WDR97: variants seen among roughly 807,000 people sequenced by gnomAD.
WDR97 encodes WD repeat-containing protein 97.
A neutral mutation model predicts 65.4 loss-of-function variants in WDR97; 111 were observed. That is an observed-to-expected ratio of 1.70 (90% CI 1.45 to 1.99). The LOEUF is 1.99. Ranked by LOEUF, WDR97 falls within the 30% of genes most tolerant of loss-of-function variation. The pLI is 0.00. For missense variants in WDR97, 1,674 were observed against 865.0 expected, an observed-to-expected ratio of 1.94 and a Z score of -11.73; for synonymous variants, 802 against 397.7, an observed-to-expected ratio of 2.02 and a Z score of -12.10.
Position 144,109,861 on chromosome 8 carries a change from C to A in WDR97, c.1527C>A (p.Ser509Arg), listed in dbSNP as rs1439916269. Residue 509 changes from serine (S) to arginine (R), a missense_variant, in exon 5 of 24, where the codon AGC (serine) becomes AGA (arginine). By Grantham distance (110) the Ser-to-Arg change is moderately radical. Transcript: ENST00000323662. Reference protein sequence around the residue: ...VRANAARCPMSVLHRVCPPPP... With the variant: ...VRANAARCPMRVLHRVCPPPP... ...CCAACGCGGCGCGCTGCCCCATGAG[C>A]GTGCTGCACCGCGTGTGCCCGCCGC... is the stretch of plus-strand genomic sequence containing the variant. 1.4e-6 allele frequency: 1 copy of A among 698,622 alleles called. No homozygotes were observed. Among genetic ancestry groups the A allele is most frequent in the South Asian group, 1.5e-5 (1 of 67,380 alleles). The allele number at this position is 698,622 out of a possible 1,614,324, so 43.3% of individuals were successfully genotyped here. A position where few individuals can be genotyped will look rare whatever the true frequency, so the allele number is the denominator to read the frequency against.
In WDR97 at chr8:144,113,772, A is replaced by G; in HGVS notation, c.3299A>G (p.Asp1100Gly). ...GEKPGEEGEE[D>G]KKEEEEEKED... ...AAGCCTGGGGAGGAGGGGGAGGAAGACAAGAAGGAAGAGGAGGAGGAGAAG... is the reference window on the plus strand; with the variant it reads ...AAGCCTGGGGAGGAGGGGGAGGAAGGCAAGAAGGAAGAGGAGGAGGAGAAG... The change falls in exon 17 of 24, where the codon GAC (aspartate) becomes GGC (glycine). Residue 1100 changes from aspartate to glycine, a missense_variant. Asp to Gly is a moderately conservative substitution (Grantham distance 94). Coordinates refer to ENST00000323662, the MANE Select transcript of WDR97 (RefSeq NM_001316309.2). The G allele has an allele frequency of 1.4e-6, 1 of 702,682 alleles. No homozygotes were observed. The highest frequency in any genetic ancestry group is 2.6e-6 in the Non-Finnish European group (1 of 384,774). 43.5% of individuals were successfully genotyped at this position (702,682 alleles called of 1,614,324 possible).
chr8:144,116,118 G>T lies in WDR97; in HGVS notation c.4694G>T (p.Gly1565Val). 1 of 698,276 alleles carries T rather than the reference G, an allele frequency of 1.4e-6. No homozygotes were observed. The highest frequency in any genetic ancestry group is 2.6e-6 in the Non-Finnish European group (1 of 382,892). 43.3% of individuals were successfully genotyped at this position (698,276 alleles called of 1,614,324 possible). Residue 1565 changes from glycine to valine, a missense_variant, in exon 24 of 24, where the codon GGC becomes GTC. Gly to Val is a moderately radical substitution (Grantham distance 109). Transcript: ENST00000323662. ...CCCATGCGGTCCCGGCTCTGTGCGG[G>T]CCGCACCCTGGACGGCCCCATCCGG... ...RGPMRSRLCA[G>V]RTLDGPIRTL... is the part of the protein sequence containing the mutation.
Position 144,114,767 on chromosome 8 carries a change from G to T in WDR97, c.3933G>T (p.Leu1311=). ...GTCCCAGGCCAGAGCTCAAGAAGCTGCTGCACGGGCTGGGCCTTCAGGACC... is the reference window on the plus strand; with the variant it reads ...GTCCCAGGCCAGAGCTCAAGAAGCTTCTGCACGGGCTGGGCCTTCAGGACC... ...PVHCRPELKK[L]LHGLGLQDPE... Residue 1311 remains leucine (L), a synonymous_variant, in exon 21 of 24, where the codon CTG becomes CTT. Transcript: ENST00000323662. The T allele has an allele frequency of 1.4e-6, 1 of 701,956 alleles. No homozygotes were observed. Among genetic ancestry groups the T allele is most frequent in the South Asian group, 1.5e-5 (1 of 67,532 alleles). The allele number at this position is 701,956 out of a possible 1,614,324, so 43.5% of individuals were successfully genotyped here.
At position 144,111,870 on chromosome 8, in the gene WDR97, CT is replaced by C; in HGVS notation, c.2638-16del. ...CACCTGGTCTCTGATGGTCTGTCTG[CT>C]CCTGCTACCTCCCAGGGCATGCAGT... On this transcript the variant is annotated splice_polypyrimidine_tract_variant and intron_variant, in intron 12 of 23. Transcript: ENST00000323662. 4.3e-6 allele frequency: 3 copies of C among 700,214 alleles called. No homozygotes were observed. Among genetic ancestry groups the C allele is most frequent in the Non-Finnish European group, 7.8e-6 (3 of 384,208 alleles). 43.4% of individuals were successfully genotyped at this position (700,214 alleles called of 1,614,324 possible).
Position 144,110,737 on chromosome 8 carries a change from G to C in WDR97, c.2169G>C (p.Leu723=), listed in dbSNP as rs1269959361. 2 of 702,728 alleles carry C rather than the reference G, an allele frequency of 2.8e-6. No homozygotes were observed. Among genetic ancestry groups the C allele is most frequent in the East Asian group, 5.4e-5 (2 of 37,302 alleles). 43.5% of individuals were successfully genotyped at this position (702,728 alleles called of 1,614,324 possible). The change falls in exon 8 of 24, where the codon CTG becomes CTC. Residue 723 remains leucine (L), a splice_region_variant and synonymous_variant. Transcript: ENST00000323662. ...VRIWTAENRL[L]RLLQLNGAPQ... is the part of the protein sequence containing the mutation. Reference sequence around the variant, plus strand: ...TCTGGACTGCTGAGAACCGCCTCCTGCGGTAGGCTAGGAGGTGGGGAGGGC... The same window carrying C: ...TCTGGACTGCTGAGAACCGCCTCCTCCGGTAGGCTAGGAGGTGGGGAGGGC...
At chr8:144,115,316 C>G (rs1191175338) in intron 21 of WDR97, 25 bp from the exon 22 acceptor site, 3 of 592,712 alleles carry the variant, frequency 5.1e-6, no homozygotes, top group African/African-American at 3.7e-5. Context: ...TCTCTAAGAC[C>G]TTAGCACTTT....
At chr8:144,112,898 G>A (rs1439223017) in intron 15 of WDR97, 5 of 341,556 alleles carry the variant, frequency 1.5e-5, no homozygotes, top group Non-Finnish European at 2.7e-5. Context: ...CCCTTTAGAG[G>A]AGCAAAGTCA....
In WDR97 at chr8:144,112,477, G is replaced by T. The variant is rs1401522945; in HGVS notation, c.3052G>T (p.Glu1018Ter). 1.4e-6 allele frequency: 1 copy of T among 702,630 alleles called. No individual in the cohort carries two copies. The highest frequency in any genetic ancestry group is 2.6e-6 in the Non-Finnish European group (1 of 384,914). The allele number at this position is 702,630 out of a possible 1,614,324, so 43.5% of individuals were successfully genotyped here. A position where few individuals can be genotyped will look rare whatever the true frequency, so the allele number is the denominator to read the frequency against. ...IPLLPKRWDKEPLSSLRGFFP... is the reference protein window; with the variant it reads ...IPLLPKRWDK ...ACTGCTGCCAAAGAGATGGGACAAG[G>T]AACCTCTCTCTAGCCTCAGGGGCTT... is the stretch of plus-strand genomic sequence containing the variant. Residue 1018 changes from glutamate (E) to a stop codon, truncating the protein, a stop_gained, in exon 15 of 24, where the codon GAA (glutamate) becomes TAA (stop). Coordinates refer to ENST00000323662, the MANE Select transcript of WDR97 (RefSeq NM_001316309.2). LOFTEE classifies it high-confidence loss of function.
chr8:144,114,073 G>A lies in WDR97; in HGVS notation c.3505G>A (p.Asp1169Asn). ...PWHRHGSLLL[D>N]EHYGHLPKFL... is the part of the protein sequence containing the mutation. ...GCACCGTCATGGGAGTTTGCTCTTGGATGAGCATTACGGGCATCTGCCCAA... is the reference window on the plus strand; with the variant it reads ...GCACCGTCATGGGAGTTTGCTCTTGAATGAGCATTACGGGCATCTGCCCAA... Residue 1169 changes from aspartate (D) to asparagine (N), a missense_variant, in exon 18 of 24, where the codon GAT becomes AAT. Asp to Asn is a conservative substitution (Grantham distance 23). Transcript: ENST00000323662. 1.4e-6 allele frequency: 1 copy of A among 702,858 alleles called. No individual in the cohort carries two copies. The highest frequency in any genetic ancestry group is 1.5e-5 in the South Asian group (1 of 67,608). The allele number at this position is 702,858 out of a possible 1,614,324, so 43.5% of individuals were successfully genotyped here.
Position 144,110,346 on chromosome 8 carries a change from G to A in WDR97, c.1849G>A (p.Asp617Asn). The A allele has an allele frequency of 1.4e-6, 1 of 702,946 alleles. No homozygotes were observed. Among genetic ancestry groups the A allele is most frequent in the Non-Finnish European group, 2.6e-6 (1 of 384,974 alleles). 43.5% of individuals were successfully genotyped at this position (702,946 alleles called of 1,614,324 possible). A position where few individuals can be genotyped will look rare whatever the true frequency, so the allele number is the denominator to read the frequency against. ...TWNSIVSSGG[D>N]LTVKMWRVFP... ...CCAGATTCCGCTGCCCACAGGTGGGGACCTGACGGTGAAGATGTGGCGCGT... is the reference window on the plus strand; with the variant it reads ...CCAGATTCCGCTGCCCACAGGTGGGAACCTGACGGTGAAGATGTGGCGCGT... Residue 617 changes from aspartate to asparagine, a missense_variant, in exon 7 of 24, where the codon GAC becomes AAC. Physicochemically the swap from Asp to Asn is conservative, Grantham distance 23. Coordinates refer to ENST00000323662, the MANE Select transcript of WDR97 (RefSeq NM_001316309.2).
rs775048675 is a variant in WDR97 at position 144,114,773 on chromosome 8, C to T, written c.3939C>T (p.His1313=). Residue 1313 remains histidine (H), a synonymous_variant, in exon 21 of 24, where the codon CAC becomes CAT. Transcript: ENST00000323662. ...GGCCAGAGCTCAAGAAGCTGCTGCA[C>T]GGGCTGGGCCTTCAGGACCCAGAGG... ...HCRPELKKLL[H]GLGLQDPEGF... is the part of the protein sequence containing the mutation. 1.2e-4 allele frequency: 82 copies of T among 701,772 alleles called. No individual in the cohort carries two copies. Among genetic ancestry groups the T allele is most frequent in the Admixed American group, 1.0e-3 (51 of 49,886 alleles). The allele number at this position is 701,772 out of a possible 1,614,324, so 43.5% of individuals were successfully genotyped here.
In WDR97 at chr8:144,111,345, G is replaced by T. The variant is rs1415773810; in HGVS notation, c.2427-81G>T. The stretch of plus-strand genomic sequence containing the variant: ...GCCTGAGCCCTGGCACACCCGTTTG[G>T]GGTTGGTCCTTGTCCCAGCCTCTGC... On this transcript the variant is annotated intron_variant, in intron 10 of 23. Coordinates refer to ENST00000323662, the MANE Select transcript of WDR97 (RefSeq NM_001316309.2). 4.3e-6 allele frequency: 3 copies of T among 702,634 alleles called. No individual in the cohort carries two copies. The African/African-American group carries it at 5.2e-5, about 12-fold the overall frequency. 43.5% of individuals were successfully genotyped at this position (702,634 alleles called of 1,614,324 possible).
chr8:144,111,340 G>A (rs1171751303), intron 10 of WDR97, 86 bp from the exon 11 acceptor site: 5 of 702,604 alleles, frequency 7.1e-6, no homozygotes, highest in African/African-American at 1.7e-5. Context: ...TGGCACACCC[G>A]TTTGGGGTTG....
Position 144,113,440 on chromosome 8 carries a change from C to A in WDR97, c.3106C>A (p.His1036Asn), listed in dbSNP as rs867867299. The change falls in exon 16 of 24, where the codon CAC (histidine) becomes AAC (asparagine). Residue 1036 changes from histidine to asparagine, a missense_variant and splice_region_variant. By Grantham distance (68) the His-to-Asn change is moderately conservative (BLOSUM62 1). Transcript: ENST00000323662. ...FFPATVQPHK[H>N]CLRPICFPGY... ...CATTCCCTGCTGTGCCCACCTCCAG[C>A]ACTGCCTGAGGCCCATCTGCTTCCC... The A allele has an allele frequency of 4.3e-5, 30 of 702,306 alleles. 3 individuals are homozygous for A. In the Middle Eastern group the frequency reaches 6.6e-3, roughly 154 times the overall value. 43.5% of individuals were successfully genotyped at this position (702,306 alleles called of 1,614,324 possible).
rs753388001 is a variant in WDR97, at chr8:144,109,994, C to A, written c.1660C>A (p.Arg554Ser). 2 of 700,104 alleles carry A rather than the reference C, an allele frequency of 2.9e-6. No individual in the cohort carries two copies. Among genetic ancestry groups the A allele is most frequent in the Admixed American group, 4.0e-5 (2 of 49,794 alleles). 43.4% of individuals were successfully genotyped at this position (700,104 alleles called of 1,614,324 possible). The change falls in exon 5 of 24, where the codon CGC (arginine) becomes AGC (serine). Residue 554 changes from arginine to serine, a missense_variant. Physicochemically the swap from Arg to Ser is moderately radical, Grantham distance 110. Coordinates refer to ENST00000323662, the MANE Select transcript of WDR97 (RefSeq NM_001316309.2). ...CGTGCGCCAGCACTGGGGCGAGTTG[C>A]GCTGCAGCTCTGTGGCCTGCGCCTG... The part of the protein sequence containing the change: ...EIVRQHWGEL[R>S]CSSVACAWKN...
chr8:144,111,276 T>TG (rs1564321455), intron 10 of WDR97, 54 bp downstream of exon 10: 1 of 702,554 alleles, frequency 1.4e-6, no homozygotes, highest in Admixed American at 2.0e-5. Context: ...CCACTCTGGG[T>TG]GGGGGCCTGG....
chr8:144,108,029 G>C (rs1836452444), intron 1 of WDR97, 30 bp from the exon 2 acceptor site: 1 of 702,558 alleles, frequency 1.4e-6, no homozygotes, highest in Admixed American at 2.0e-5. Flanking sequence ...TGAGGCTGTA[G>C]GTGGCAGAAC....
intron 9 of WDR97, 27 bp downstream of exon 9, chr8:144,111,023 G>A (rs562265295): frequency 1.5e-4 from 102 of 702,468 alleles, no homozygotes; most frequent in African/African-American, 1.3e-3. Flanking sequence ...GAGTGAGCAA[G>A]GTGGGCCCCC....
At chr8:144,113,595 C>T (rs189653365) in intron 16 of WDR97, 62 bp from the exon 17 acceptor site, 17 of 665,050 alleles carry the variant, frequency 2.6e-5, no homozygotes, top group African/African-American at 1.6e-4. Context: ...GGGGTTTTGC[C>T]GGCAGGGGAG....
Sources: gnomAD v4.1 joint callset for allele counts on GRCh38, gnomAD v4.1.1 for gene constraint, MANE v1.5 for transcripts, NCBI Gene and HGNC (gene_info 2026-07-23, HGNC 2026-07-21) for gene names.